The following SPMIP4 variants were observed in gnomAD, a reference collection of about 807,000 sequenced individuals.
SPMIP4 encodes the protein sperm-associated microtubule inner protein 4.
chr7:25,146,162 G>A, the SPMIP4 span, among the ~76,000 whole-genome samples: 1 of 152,170 alleles, frequency 6.6e-6, no homozygotes, highest in Non-Finnish European at 1.5e-5. Context: ...GAGAGAGAGA[G>A]ATGGAGAGAG....
At chr7:25,153,267 A>C in the SPMIP4 span, among the ~76,000 whole-genome samples, 1 of 152,160 alleles carries the variant, frequency 6.6e-6, no homozygotes, top group African/African-American at 2.4e-5. Flanking sequence ...TACTGCACTG[A>C]AAAGTGTTTT....
At chr7:25,159,478 C>T in the SPMIP4 span, among the ~76,000 whole-genome samples, 1 of 152,152 alleles carries the variant, frequency 6.6e-6, no homozygotes, top group Non-Finnish European at 1.5e-5. Flanking sequence ...TGGATTTCAA[C>T]AATTCGTTTC....
chr7:25,134,027 C>T, the SPMIP4 span, among the ~76,000 whole-genome samples: 6 of 151,920 alleles, frequency 3.9e-5, no homozygotes, highest in African/African-American at 4.8e-5. Context: ...TTTGGGAGGC[C>T]GAGGCAGGTG....
chr7:25,128,575 G>A, the SPMIP4 span, among the ~76,000 whole-genome samples: 81 of 152,274 alleles, frequency 5.3e-4, no homozygotes, highest in African/African-American at 1.9e-3. The surrounding 1 kb of genome is among the most constrained non-coding windows in gnomAD (Gnocchi z 4.5). Flanking sequence ...TATTAGTCCC[G>A]AGTTTCTCCT....
At chr7:25,173,570 TG>T in the SPMIP4 span, among the ~76,000 whole-genome samples, 8 of 152,188 alleles carry the variant, frequency 5.3e-5, no homozygotes, top group Admixed American at 3.3e-4. The surrounding 1 kb of genome is among the most constrained non-coding windows in gnomAD (Gnocchi z 4.4). Context: ...CCCACTGATT[TG>T]GGGTGCTGCA....
the SPMIP4 span, among the ~76,000 whole-genome samples, chr7:25,162,844 T>C: frequency 7.9e-5 from 12 of 152,172 alleles, no homozygotes; most frequent in Admixed American, 7.9e-4. Context: ...TGATCTCAGC[T>C]CACTGCAACT....
At chr7:25,146,471 T>C in the SPMIP4 span, among the ~76,000 whole-genome samples, 1 of 152,202 alleles carries the variant, frequency 6.6e-6, no homozygotes, top group East Asian at 1.9e-4. Context: ...GACTCCTTTC[T>C]AAAGGAGGTC....
At chr7:25,173,959 A>C in the SPMIP4 span, among the ~76,000 whole-genome samples, 3 of 152,166 alleles carry the variant, frequency 2.0e-5, no homozygotes, top group East Asian at 5.8e-4. The surrounding 1 kb of genome is among the most constrained non-coding windows in gnomAD (Gnocchi z 4.4). Flanking sequence ...CTTAGCCTTA[A>C]TACTCACAGA....
chr7:25,126,623 ATAT>A, the SPMIP4 span, among the ~76,000 whole-genome samples: 3 of 152,202 alleles, frequency 2.0e-5, no homozygotes, highest in African/African-American at 7.2e-5. Flanking sequence ...TTCTATTTAT[ATAT>A]TATTATACTA....
the SPMIP4 span, among the ~76,000 whole-genome samples, chr7:25,129,784 A>G: frequency 2.0e-5 from 3 of 152,038 alleles, no homozygotes; most frequent in African/African-American, 2.4e-5. Flanking sequence ...TAACAGCCCA[A>G]TGGGTTCTTC....
chr7:25,136,117 T>A, the SPMIP4 span: 1 of 1,614,180 alleles, frequency 6.2e-7, no homozygotes, highest in Non-Finnish European at 8.5e-7. The surrounding 1 kb of genome is among the most constrained non-coding windows in gnomAD (Gnocchi z 5.7). Context: ...GTTCTTAAGC[T>A]CCAGCAGGTT....
At chr7:25,139,980 G>T in the SPMIP4 span, among the ~76,000 whole-genome samples, 1 of 152,068 alleles carries the variant, frequency 6.6e-6, no homozygotes, top group East Asian at 1.9e-4. Flanking sequence ...TTTAAGAGTT[G>T]ATTTGCTTGC....
the SPMIP4 span, among the ~76,000 whole-genome samples, chr7:25,128,507 G>C: frequency 6.6e-6 from 1 of 152,196 alleles, no homozygotes; most frequent in Non-Finnish European, 1.5e-5. This position sits in a 1 kb window ranked among gnomAD's most constrained non-coding sequence, Gnocchi z 4.5. Context: ...AGTACTTCCT[G>C]GCTATGCCAA....
At chr7:25,129,818 A>G in the SPMIP4 span, among the ~76,000 whole-genome samples, 1 of 152,060 alleles carries the variant, frequency 6.6e-6, no homozygotes, top group Non-Finnish European at 1.5e-5. Context: ...AGAAAAGCCA[A>G]TGCATTGAGA....
At chr7:25,157,807 A>G in the SPMIP4 span, among the ~76,000 whole-genome samples, 176 of 152,328 alleles carry the variant, frequency 1.2e-3, 1 homozygote, top group South Asian at 6.2e-3. Context: ...AAATCTGGAT[A>G]AAGCATGGAT....
chr7:25,145,556 T>C, the SPMIP4 span, among the ~76,000 whole-genome samples: 1 of 152,182 alleles, frequency 6.6e-6, no homozygotes, highest in Non-Finnish European at 1.5e-5. Flanking sequence ...ATTGGCTCGA[T>C]ACACTAAACT....
chr7:25,170,378 GT>G, the SPMIP4 span, among the ~76,000 whole-genome samples: 4 of 152,060 alleles, frequency 2.6e-5, no homozygotes. Context: ...TGCATTTTTT[GT>G]TATTTGTCTT....
the SPMIP4 span, among the ~76,000 whole-genome samples, chr7:25,126,226 T>C: frequency 6.6e-6 from 1 of 152,190 alleles, no homozygotes; most frequent in African/African-American, 2.4e-5. Context: ...AAATTATTGT[T>C]GAGTGTAGTC....
At chr7:25,136,061 G>T in the SPMIP4 span, 5 of 1,614,072 alleles carry the variant, frequency 3.1e-6, no homozygotes, top group Admixed American at 8.3e-5. This position sits in a 1 kb window ranked among gnomAD's most constrained non-coding sequence, Gnocchi z 5.7. Context: ...TGGTCTTCTA[G>T]AATTGATTTA....
Sources: gnomAD v4.1 joint callset for allele counts (sites outside exome capture counted in the v4.1 genomes callset) on GRCh38, gnomAD v4.1.1 for gene constraint, Gnocchi (gnomAD v3.1) non-coding constraint, MANE v1.5 for transcripts, NCBI Gene and HGNC (gene_info 2026-07-23, HGNC 2026-07-21) for gene names.